ANKRD54: variants seen among roughly 807,000 people sequenced by gnomAD.
The protein encoded by ANKRD54 is ankyrin repeat domain-containing protein 54.
Under a neutral mutation model 36.2 loss-of-function variants are expected in ANKRD54, and 26 were observed. The ratio of observed to expected loss-of-function variants is 0.72; its 90% CI spans 0.53 to 1.00. The LOEUF (loss-of-function observed/expected upper bound fraction) is 1.00, where lower values mean the gene tolerates loss of function less well. Ranked by LOEUF, ANKRD54 falls within the 50% of genes least tolerant of loss-of-function variation. The pLI is 0.00. For synonymous variants in ANKRD54, 209 were observed against 188.4 expected (o/e 1.11, Z -0.89); for missense variants, 384 against 424.3 (o/e 0.91, Z 0.83).
upstream of ANKRD54, among the ~76,000 whole-genome samples, chr22:37,845,588 T>C (rs1306318315): frequency 1.3e-5 from 2 of 152,126 alleles, no homozygotes; most frequent in East Asian, 1.9e-4. Context: ...TAAAATGTAA[T>C]CTTTCCGCAC....
At position 37,844,006 on chromosome 22, in the gene ANKRD54, G is replaced by A; in HGVS notation, c.233C>T (p.Pro78Leu). 2 of 1,425,610 alleles carry A rather than the reference G, an allele frequency of 1.4e-6. No individual in the cohort carries two copies. The highest frequency in any genetic ancestry group is 1.8e-6 in the Non-Finnish European group (2 of 1,094,344). 88.3% of individuals were successfully genotyped at this position (1,425,610 alleles called of 1,614,324 possible). ...LHVLWQQDAEPRDELRCKIPA... is the reference protein window; with the variant it reads ...LHVLWQQDAELRDELRCKIPA... ...TATCTTGCAGCGCAGCTCGTCGCGC[G>A]GCTCCGCATCCTGCTGCCACAGGAC... is the stretch of plus-strand genomic sequence containing the variant. Residue 78 changes from proline to leucine, a missense_variant, in exon 1 of 8, where the codon CCG becomes CTG. Coordinates refer to ENST00000215941, the MANE Select transcript of ANKRD54 (RefSeq NM_138797.4).
intron 3 of ANKRD54, chr22:37,834,142 C>T (rs1025361805): frequency 9.2e-6 from 2 of 216,524 alleles, no homozygotes; most frequent in East Asian, 9.6e-5. Flanking sequence ...TAACCTCTCC[C>T]TCCTGGCAGT....
chr22:37,832,360 A>T (rs148353038), intron 7 of ANKRD54, among the ~76,000 whole-genome samples: 4,667 of 151,478 alleles, frequency 0.031, 105 homozygotes, highest in Non-Finnish European at 0.044. Context: ...TGTTTTTATA[A>T]TTTTTGCCTT....
chr22:37,843,966 C>T lies in ANKRD54; in HGVS notation c.273G>A (p.Leu91=), dbSNP rs1352614742. Residue 91 remains leucine (L), a synonymous_variant, in exon 1 of 8, where the codon CTG becomes CTA. Coordinates refer to ENST00000215941, the MANE Select transcript of ANKRD54 (RefSeq NM_138797.4). ...ELRCKIPAGR[L]RRAARPHRRL... ...GCCGGTGGGGCCTGGCAGCGCGCCTCAGCCGGCCAGCGGGTATCTTGCAGC... is the reference window on the plus strand; with the variant it reads ...GCCGGTGGGGCCTGGCAGCGCGCCTTAGCCGGCCAGCGGGTATCTTGCAGC... 10 of 1,410,156 alleles carry T rather than the reference C, an allele frequency of 7.1e-6. No homozygotes were observed. Among genetic ancestry groups the T allele is most frequent in the African/African-American group, 3.0e-5 (2 of 66,826 alleles). 87.4% of individuals were successfully genotyped at this position (1,410,156 alleles called of 1,614,324 possible).
At chr22:37,838,933 C>T (rs757167953) in intron 2 of ANKRD54, among the ~76,000 whole-genome samples, 7 of 152,174 alleles carry the variant, frequency 4.6e-5, no homozygotes, top group Non-Finnish European at 8.8e-5. Context: ...GGCTTGGATA[C>T]ACATCCATTC....
At chr22:37,843,877 C>T in intron 1 of ANKRD54, 34 bp downstream of exon 1, 1 of 1,198,316 alleles carries the variant, frequency 8.3e-7, no homozygotes, top group South Asian at 4.0e-5. Flanking sequence ...CGGGCTGCCC[C>T]GCCCCGGGCC....
intron 7 of ANKRD54, 66 bp from the exon 8 acceptor site, chr22:37,832,083 A>G (rs1922953847): frequency 6.8e-7 from 1 of 1,473,906 alleles, no homozygotes; most frequent in South Asian, 1.2e-5. Flanking sequence ...GGTCTCTTCC[A>G]CAATCCCACA....
upstream of ANKRD54, among the ~76,000 whole-genome samples, chr22:37,845,837 C>G (rs1419601579): frequency 1.3e-5 from 2 of 151,460 alleles, no homozygotes; most frequent in Non-Finnish European, 2.9e-5. Context: ...CCATGGCACT[C>G]CAGCCTGGGT....
chr22:37,844,166 C>T lies in ANKRD54; in HGVS notation c.73G>A (p.Val25Met). 1 of 1,500,696 alleles carries T rather than the reference C, an allele frequency of 6.7e-7. No individual in the cohort carries two copies. The highest frequency in any genetic ancestry group is 1.5e-5 in the African/African-American group (1 of 68,842). The allele number at this position is 1,500,696 out of a possible 1,614,324, so 93.0% of individuals were successfully genotyped here. Residue 25 changes from valine to methionine, a missense_variant, in exon 1 of 8, where the codon GTG becomes ATG. By Grantham distance (21) the Val-to-Met change is conservative. Coordinates refer to ENST00000215941, the MANE Select transcript of ANKRD54 (RefSeq NM_138797.4). Reference sequence around the variant, plus strand: ...GCGTCAGTCAGCGGCTCCGGCGCCACCGCGCACTCGCCCTCCGAGCTCGAG... The same window carrying T: ...GCGTCAGTCAGCGGCTCCGGCGCCATCGCGCACTCGCCCTCCGAGCTCGAG... ...GHSSSEGECA[V>M]APEPLTDAEG...
At chr22:37,846,180 G>GA (rs71195060), upstream of ANKRD54, among the ~76,000 whole-genome samples, 5 of 146,884 alleles carry the variant, frequency 3.4e-5, no homozygotes, top group East Asian at 2.0e-4. Flanking sequence ...ATCTCAAAAA[G>GA]AAAAAAAAAA....
chr22:37,846,743 C>G (rs954711240), upstream of ANKRD54, among the ~76,000 whole-genome samples: 2 of 152,158 alleles, frequency 1.3e-5, no homozygotes, highest in Admixed American at 1.3e-4. Context: ...AATCTTCTGA[C>G]TTCACAACTC....
Position 37,833,044 on chromosome 22 carries a change from G to T in ANKRD54, c.634C>A (p.Pro212Thr). 3.1e-6 allele frequency: 5 copies of T among 1,614,012 alleles called. No homozygotes were observed. Among genetic ancestry groups the T allele is most frequent in the Non-Finnish European group, 4.2e-6 (5 of 1,179,998 alleles). Reference protein sequence around the residue: ...VDALDRAGRTPLHLAKSKLNI... With the variant: ...VDALDRAGRTTLHLAKSKLNI... ...AGCTTTGACTTGGCCAGGTGCAGGG[G>T]TGTGCGACCAGCTCGGTCCAGGGCA... is the stretch of plus-strand genomic sequence containing the variant. The change falls in exon 6 of 8, where the codon CCC (proline) becomes ACC (threonine). Residue 212 changes from proline (P) to threonine (T), a missense_variant. Physicochemically the swap from Pro to Thr is conservative, Grantham distance 38. Around this residue, in one of 3 missense-constraint regions of ANKRD54, gnomAD observed 179 missense variants for 224.0 expected, o/e 0.80. Coordinates refer to ENST00000215941, the MANE Select transcript of ANKRD54 (RefSeq NM_138797.4).
intron 1 of ANKRD54, among the ~76,000 whole-genome samples, chr22:37,842,651 T>C (rs796115718): frequency 1.3e-5 from 2 of 152,248 alleles, no homozygotes; most frequent in Non-Finnish European, 2.9e-5. Flanking sequence ...ATCGGAGATA[T>C]GGTCAAAAAT....
upstream of ANKRD54, chr22:37,849,337 GA>G (rs749082915): frequency 2.4e-5 from 34 of 1,405,736 alleles, no homozygotes; most frequent in East Asian, 6.9e-4. Flanking sequence ...AGAGGCCTCG[GA>G]AAGGCTTCCG....
Position 37,830,868 on chromosome 22 carries a change from C to T in ANKRD54, c.*1075G>A, listed in dbSNP as rs1922797037. On this transcript the variant is annotated 3_prime_UTR_variant, in exon 8 of 8. Coordinates refer to ENST00000215941, the MANE Select transcript of ANKRD54 (RefSeq NM_138797.4). ...CCACACACTTAGTGACTTAAAACAA[C>T]ACAAATTTATTCCCTTAGAGTTCTA... The T allele has an allele frequency of 1.3e-5, 2 of 152,380 alleles. No homozygotes were observed. Among genetic ancestry groups the T allele is most frequent in the Admixed American group, 1.3e-4 (2 of 15,294 alleles). 9.4% of individuals were successfully genotyped at this position (152,380 alleles called of 1,614,324 possible).
Position 37,833,581 on chromosome 22 carries a change from C to T in ANKRD54, c.547+103G>A, listed in dbSNP as rs1923163737. The stretch of plus-strand genomic sequence containing the variant: ...AGTGCAGGCCTAGGATCTTCCCTGA[C>T]ACTCACAGTTTCTGCCAGGAGCATG... On this transcript the variant is annotated intron_variant, in intron 4 of 7. Coordinates refer to ENST00000215941, the MANE Select transcript of ANKRD54 (RefSeq NM_138797.4). The T allele has an allele frequency of 4.8e-6, 6 of 1,245,320 alleles. No homozygotes were observed. In the South Asian group the frequency reaches 6.3e-5, roughly 13 times the overall value. 77.1% of individuals were successfully genotyped at this position (1,245,320 alleles called of 1,614,324 possible). A position where few individuals can be genotyped will look rare whatever the true frequency, so the allele number is the denominator to read the frequency against.
chr22:37,832,894 G>GTCC, intron 6 of ANKRD54, 64 bp downstream of exon 6: 1 of 1,607,494 alleles, frequency 6.2e-7, no homozygotes, highest in Non-Finnish European at 8.5e-7. Context: ...TGTGTCTGTG[G>GTCC]TTAGGGCAGC....
At position 37,840,240 on chromosome 22, in the gene ANKRD54, AAG is replaced by A; in HGVS notation, c.329-8_329-7del. Reference sequence around the variant, plus strand: ...GTCCCTCAGTCTCTTCAGAGCTGTAAAGAGAGTAACGGATGCCAGTTTAAAAA... The same window carrying A: ...GTCCCTCAGTCTCTTCAGAGCTGTAAAGAGTAACGGATGCCAGTTTAAAAA... On this transcript the variant is annotated splice_region_variant and splice_polypyrimidine_tract_variant and intron_variant, in intron 1 of 7. Coordinates refer to ENST00000215941, the MANE Select transcript of ANKRD54 (RefSeq NM_138797.4). 6 of 1,613,842 alleles carry A rather than the reference AAG, an allele frequency of 3.7e-6. No individual in the cohort carries two copies. The highest frequency in any genetic ancestry group is 5.1e-6 in the Non-Finnish European group (6 of 1,179,844).
chr22:37,832,503 C>T (rs1941419760), intron 7 of ANKRD54, 134 bp downstream of exon 7: 2 of 731,720 alleles, frequency 2.7e-6, no homozygotes, highest in South Asian at 1.8e-5. Context: ...GTTGGGATTA[C>T]AGGTGTGAGC....
Sources: allele counts gnomAD v4.1 joint callset (sites outside exome capture counted in the v4.1 genomes callset), GRCh38; gene constraint gnomAD v4.1.1; regional missense constraint gnomAD v4.1.1; transcripts MANE v1.5; gene names NCBI Gene and HGNC (gene_info 2026-07-23, HGNC 2026-07-21).